GALNT17: variants seen among roughly 807,000 people sequenced by gnomAD.
GALNT17 encodes polypeptide N-acetylgalactosaminyltransferase 17, also known as UDP-GalNAc:polypeptide N-acetylgalactosaminyltransferase-like 3.
A neutral mutation model predicts 63.7 loss-of-function variants in GALNT17; 29 were observed. That is an observed-to-expected ratio of 0.46 (90% CI 0.34 to 0.62). GALNT17 has a LOEUF of 0.62. Among genes scored for constraint, GALNT17 ranks in the 20% least tolerant of loss-of-function variants. The pLI, the probability that GALNT17 is intolerant of heterozygous loss-of-function variation, is 0.01. For synonymous variants in GALNT17, 305 were observed against 318.3 expected (o/e 0.96, Z 0.45); for missense variants, 603 against 799.6 (o/e 0.75, Z 2.97).
intron 6 of GALNT17, among the ~76,000 whole-genome samples, chr7:71,660,490 C>G (rs1258818698): frequency 6.6e-6 from 1 of 152,202 alleles, no homozygotes; most frequent in Non-Finnish European, 1.5e-5. Context: ...TTCAGCCTGC[C>G]TAGGAACTCA....
At chr7:71,361,864 C>T (rs930005639) in intron 2 of GALNT17, among the ~76,000 whole-genome samples, 2 of 152,002 alleles carry the variant, frequency 1.3e-5, no homozygotes, top group African/African-American at 4.8e-5. Context: ...ACAATTTGGG[C>T]GTTTGTTTAT....
At chr7:71,345,760 G>A (rs767816719) in intron 2 of GALNT17, among the ~76,000 whole-genome samples, 8 of 152,106 alleles carry the variant, frequency 5.3e-5, no homozygotes, top group Admixed American at 1.3e-4. Flanking sequence ...GTTTCCCTCC[G>A]CTGTGAAAAG....
intron 1 of GALNT17, among the ~76,000 whole-genome samples, chr7:71,274,426 T>G (rs1317552811): frequency 6.6e-6 from 1 of 152,086 alleles, no homozygotes; most frequent in African/African-American, 2.4e-5. Flanking sequence ...ACTACAGGTG[T>G]GCGCCACCAC....
intron 1 of GALNT17, among the ~76,000 whole-genome samples, chr7:71,171,338 G>A (rs148425599): frequency 2.0e-5 from 3 of 152,228 alleles, no homozygotes; most frequent in Non-Finnish European, 1.5e-5. Flanking sequence ...AACATAGTGA[G>A]ACACTCCCCC....
chr7:71,243,424 C>T (rs1186154425), intron 1 of GALNT17, among the ~76,000 whole-genome samples: 1 of 152,144 alleles, frequency 6.6e-6, no homozygotes, highest in Non-Finnish European at 1.5e-5. Flanking sequence ...TCAGTGTCTG[C>T]TCATCATTCT....
intron 3 of GALNT17, 150 bp downstream of exon 3, chr7:71,388,551 G>C: frequency 1.0e-6 from 1 of 998,746 alleles, no homozygotes; most frequent in Non-Finnish European, 1.4e-6. Context: ...TTTTGAGATG[G>C]AGTCTTGCTG....
chr7:71,514,975 A>T (rs1788422517), intron 5 of GALNT17, among the ~76,000 whole-genome samples: 1 of 152,090 alleles, frequency 6.6e-6, no homozygotes, highest in South Asian at 2.1e-4. Context: ...ACGAGATCTG[A>T]TGGTTTTATA....
At chr7:71,147,062 T>C (rs1490580120) in intron 1 of GALNT17, among the ~76,000 whole-genome samples, 1 of 152,202 alleles carries the variant, frequency 6.6e-6, no homozygotes, top group Non-Finnish European at 1.5e-5. Context: ...ACCAGGGTTC[T>C]AGGTTTACTT....
At chr7:71,168,025 C>T (rs1788474490) in intron 1 of GALNT17, among the ~76,000 whole-genome samples, 3 of 152,144 alleles carry the variant, frequency 2.0e-5, no homozygotes, top group South Asian at 2.1e-4. Context: ...GATCTATTTT[C>T]GTATATGATG....
At chr7:71,505,162 T>C (rs907192862) in intron 5 of GALNT17, among the ~76,000 whole-genome samples, 7 of 152,210 alleles carry the variant, frequency 4.6e-5, no homozygotes, top group African/African-American at 1.7e-4. Context: ...ACAGTTTCGC[T>C]TCTCTTCCAC....
intron 5 of GALNT17, among the ~76,000 whole-genome samples, chr7:71,555,717 A>G (rs1419378162): frequency 1.3e-5 from 2 of 151,954 alleles, no homozygotes; most frequent in Admixed American, 1.3e-4. Context: ...GCACCTCAAC[A>G]CAGGCAAGTT....
At chr7:71,661,353 G>A (rs978518216) in intron 6 of GALNT17, among the ~76,000 whole-genome samples, 1 of 152,162 alleles carries the variant, frequency 6.6e-6, no homozygotes, top group African/African-American at 2.4e-5. Context: ...TGATGAGGGA[G>A]TTGGTTTTGG....
intron 2 of GALNT17, among the ~76,000 whole-genome samples, chr7:71,363,904 G>C (rs909199569): frequency 5.3e-5 from 8 of 152,190 alleles, no homozygotes; most frequent in African/African-American, 1.9e-4. Flanking sequence ...CACAAGAATA[G>C]GTGACAGTTT....
At chr7:71,317,119 G>A (rs543101791) in intron 1 of GALNT17, among the ~76,000 whole-genome samples, 12 of 152,254 alleles carry the variant, frequency 7.9e-5, no homozygotes, top group African/African-American at 2.4e-4. Context: ...AGACAGGGCC[G>A]TATGTTTCTT....
intron 9 of GALNT17, among the ~76,000 whole-genome samples, chr7:71,678,513 G>A (rs1791185595): frequency 6.6e-6 from 1 of 151,788 alleles, no homozygotes; most frequent in Admixed American, 6.6e-5. Flanking sequence ...CCCCGTCTCT[G>A]TTGGCCAGGT....
chr7:71,391,083 C>T lies in GALNT17; in HGVS notation c.589+2682C>T, dbSNP rs115073423. ...CTCTCTGAACTGGGTGGGATGTTTC[C>T]CAGGGCCTGGCTGGTGGTTGAAACT... On this transcript the variant is annotated intron_variant, in intron 3 of 10. Coordinates refer to ENST00000333538, the MANE Select transcript of GALNT17 (RefSeq NM_022479.3). Among the ~76,000 whole-genome samples, 234 of 152,262 alleles carry T rather than the reference C, an allele frequency of 1.5e-3. 1 individual carries two copies. The highest frequency in any genetic ancestry group is 5.5e-3 in the African/African-American group (227 of 41,548).
intron 6 of GALNT17, among the ~76,000 whole-genome samples, chr7:71,619,380 G>A (rs1193811021): frequency 6.6e-6 from 1 of 152,194 alleles, no homozygotes; most frequent in Non-Finnish European, 1.5e-5. Context: ...AATTGCTTTT[G>A]GCCATATGGC....
chr7:71,500,595 A>G (rs1161695402), intron 5 of GALNT17, among the ~76,000 whole-genome samples: 1 of 151,876 alleles, frequency 6.6e-6, no homozygotes, highest in African/African-American at 2.4e-5. Flanking sequence ...TAACTCAGAC[A>G]CTCACCCCCT....
chr7:71,278,262 A>T lies in GALNT17; in HGVS notation c.239-57288A>T, dbSNP rs142089568. ...GAGGTTTATTGACTTGCTCCAGGTT[A>T]CCTGCAACCTTGTATTAATTTGCCA... is the stretch of plus-strand genomic sequence containing the variant. On this transcript the variant is annotated intron_variant, in intron 1 of 10. Transcript: ENST00000333538. Among the ~76,000 whole-genome samples, 310 of 152,322 alleles carry T rather than the reference A, an allele frequency of 2.0e-3. 1 individual carries two copies. The highest frequency in any genetic ancestry group is 7.2e-3 in the African/African-American group (298 of 41,568).
Sources: allele counts gnomAD v4.1 joint callset (sites outside exome capture counted in the v4.1 genomes callset), GRCh38; gene constraint gnomAD v4.1.1; transcripts MANE v1.5; gene names NCBI Gene and HGNC (gene_info 2026-07-23, HGNC 2026-07-21).